PAFAH1B2: variants seen among roughly 807,000 people sequenced by gnomAD.
PAFAH1B2 encodes platelet activating factor acetylhydrolase 1b catalytic subunit 2.
A neutral mutation model predicts 28.0 loss-of-function variants in PAFAH1B2; 8 were observed. The observed-to-expected ratio is 0.29, with a 90% CI of 0.17 to 0.52. The LOEUF is 0.52. PAFAH1B2 is among the 20% of genes least tolerant of loss of function. PAFAH1B2 has a pLI of 0.97. For missense variants in PAFAH1B2, 190 were observed against 282.6 expected (o/e 0.67, Z 2.35); for synonymous variants, 104 against 103.2 (o/e 1.01, Z -0.05).
In PAFAH1B2 at chr11:117,168,174, T is replaced by C; in HGVS notation, c.*475T>C. ...TTTATGTTGCTTAGATTCTTATGTA[T>C]ACTGAATATTTTATTAACATGTAGC... On this transcript the variant is annotated 3_prime_UTR_variant, in exon 6 of 6. Coordinates refer to ENST00000527958, the MANE Select transcript of PAFAH1B2 (RefSeq NM_002572.4). The C allele has an allele frequency of 9.5e-7, 1 of 1,047,520 alleles. No individual in the cohort carries two copies. Among genetic ancestry groups the C allele is most frequent in the African/African-American group, 1.7e-5 (1 of 60,602 alleles). The allele number at this position is 1,047,520 out of a possible 1,614,324, so 64.9% of individuals were successfully genotyped here.
At chr11:117,155,722 C>T (rs1004885965) in intron 2 of PAFAH1B2, among the ~76,000 whole-genome samples, 4 of 151,888 alleles carry the variant, frequency 2.6e-5, no homozygotes, top group African/African-American at 9.7e-5. Context: ...ATCACACTTA[C>T]TAGATTCACA....
At chr11:117,167,389 C>T (rs377077568) in intron 5 of PAFAH1B2, 32 bp from the exon 6 acceptor site, 1 of 1,503,790 alleles carries the variant, frequency 6.6e-7, no homozygotes, top group Non-Finnish European at 8.9e-7. Context: ...ATAAGTGAAT[C>T]TTCTAATTTA....
chr11:117,152,003 A>G (rs1956161652), intron 1 of PAFAH1B2, among the ~76,000 whole-genome samples: 2 of 152,160 alleles, frequency 1.3e-5, no homozygotes, highest in Non-Finnish European at 2.9e-5. Context: ...GCCACTGTGC[A>G]GGGCCAGTAA....
chr11:117,170,132 A>G lies in PAFAH1B2; in HGVS notation c.*2433A>G. On this transcript the variant is annotated 3_prime_UTR_variant, in exon 6 of 6. Coordinates refer to ENST00000527958, the MANE Select transcript of PAFAH1B2 (RefSeq NM_002572.4). ...TCTTTGCACTACTTTAGGTAAAAAT[A>G]GTTAATCTATTTTTCTTTGACATCC... 3.8e-6 allele frequency: 4 copies of G among 1,054,906 alleles called. No homozygotes were observed. Among genetic ancestry groups the G allele is most frequent in the Non-Finnish European group, 4.6e-6 (4 of 872,782 alleles). The allele number at this position is 1,054,906 out of a possible 1,614,324, so 65.3% of individuals were successfully genotyped here. A position where few individuals can be genotyped will look rare whatever the true frequency, so the allele number is the denominator to read the frequency against.
In PAFAH1B2 at chr11:117,168,797, G is replaced by A; in HGVS notation, c.*1098G>A. 1.0e-6 allele frequency: 1 copy of A among 959,864 alleles called. No homozygotes were observed. Among genetic ancestry groups the A allele is most frequent in the Non-Finnish European group, 1.3e-6 (1 of 793,312 alleles). 59.5% of individuals were successfully genotyped at this position (959,864 alleles called of 1,614,324 possible). On this transcript the variant is annotated 3_prime_UTR_variant, in exon 6 of 6. Transcript: ENST00000527958. Reference sequence around the variant, plus strand: ...TTTTTTATTGGCTTAGTTGTTTTTTGTTTTGTTTTGTTTGAGATGGAGTTT... The same window carrying A: ...TTTTTTATTGGCTTAGTTGTTTTTTATTTTGTTTTGTTTGAGATGGAGTTT...
intron 5 of PAFAH1B2, among the ~76,000 whole-genome samples, chr11:117,164,911 C>G (rs1004915066): frequency 8.6e-5 from 13 of 151,204 alleles, no homozygotes; most frequent in African/African-American, 2.9e-4. Flanking sequence ...TGGCACGTGC[C>G]TGTAATCCCA....
Position 117,169,567 on chromosome 11 carries a change from GTC to G in PAFAH1B2, c.*1872_*1873del, listed in dbSNP as rs1223085674. ...CTTGGGCTCATTTTTTTCTTGTGAA[GTC>G]TCTTTCTAGAAAATTTTTTGGTTTT... On this transcript the variant is annotated 3_prime_UTR_variant, in exon 6 of 6. Coordinates refer to ENST00000527958, the MANE Select transcript of PAFAH1B2 (RefSeq NM_002572.4). The G allele has an allele frequency of 1.9e-6, 2 of 1,055,034 alleles. No individual in the cohort carries two copies. The highest frequency in any genetic ancestry group is 1.7e-5 in the African/African-American group (1 of 60,490). The allele number at this position is 1,055,034 out of a possible 1,614,324, so 65.4% of individuals were successfully genotyped here.
chr11:117,174,841 C>T, downstream of PAFAH1B2: 1 of 1,229,430 alleles, frequency 8.1e-7, no homozygotes, highest in Non-Finnish European at 1.1e-6. Flanking sequence ...TCTCAAACTC[C>T]TGACTTCAGA....
At position 117,160,010 on chromosome 11, in the gene PAFAH1B2, T is replaced by TG; in HGVS notation, c.159dup (p.Gln54AlafsTer4). 1 of 1,611,964 alleles carries TG rather than the reference T, an allele frequency of 6.2e-7. No homozygotes were observed. ...GTGGGAGACTCCATGGTGCAGTTAA[T>TG]GCAGCAATATGAGGTAAAGGTGGAA... On this transcript the variant is annotated frameshift_variant, in exon 3 of 6. Coordinates refer to ENST00000527958, the MANE Select transcript of PAFAH1B2 (RefSeq NM_002572.4). LOFTEE classifies it high-confidence loss of function.
At chr11:117,156,561 T>G (rs2134187627) in intron 2 of PAFAH1B2, among the ~76,000 whole-genome samples, 1 of 152,298 alleles carries the variant, frequency 6.6e-6, no homozygotes. Context: ...AGCATGGTCA[T>G]AGTTACTAGG....
chr11:117,153,836 A>G (rs1361881627), intron 2 of PAFAH1B2, among the ~76,000 whole-genome samples: 1 of 152,166 alleles, frequency 6.6e-6, no homozygotes, highest in African/African-American at 2.4e-5. Context: ...AGTTATTAAA[A>G]TCATGAGATG....
chr11:117,168,446 G>GTTTGT lies in PAFAH1B2; in HGVS notation c.*750_*751insGTTTT, dbSNP rs55659804. ...TCCCCTTCATTCCCCCCGCCACCCC[G>GTTTGT]TTTTTTTTTTTTTTTTTTTTTTTTT... On this transcript the variant is annotated 3_prime_UTR_variant, in exon 6 of 6. Coordinates refer to ENST00000527958, the MANE Select transcript of PAFAH1B2 (RefSeq NM_002572.4). 744 of 235,816 alleles carry GTTTGT rather than the reference G, an allele frequency of 3.2e-3. 9 individuals are homozygous for GTTTGT. Among genetic ancestry groups the GTTTGT allele is most frequent in the African/African-American group, 0.015 (173 of 11,340 alleles). 14.6% of individuals were successfully genotyped at this position (235,816 alleles called of 1,614,324 possible). A position where few individuals can be genotyped will look rare whatever the true frequency, so the allele number is the denominator to read the frequency against.
At chr11:117,175,753 A>G (rs2029943294), downstream of PAFAH1B2, 1 of 1,063,654 alleles carries the variant, frequency 9.4e-7, no homozygotes, top group Non-Finnish European at 1.3e-6. Flanking sequence ...AAACAGGCGT[A>G]GGGTCACATC....
chr11:117,170,911 T>C lies in PAFAH1B2; in HGVS notation c.*3212T>C, dbSNP rs1956637099. On this transcript the variant is annotated 3_prime_UTR_variant, in exon 6 of 6. Coordinates refer to ENST00000527958, the MANE Select transcript of PAFAH1B2 (RefSeq NM_002572.4). ...CCCCAGGTTTCTTGGTGTTCCTGCT[T>C]GGGGATCACTGCTGCTAGCTGACTG... 9.4e-7 allele frequency: 1 copy of C among 1,059,466 alleles called. No individual in the cohort carries two copies. The highest frequency in any genetic ancestry group is 1.6e-5 in the African/African-American group (1 of 60,748). 65.6% of individuals were successfully genotyped at this position (1,059,466 alleles called of 1,614,324 possible).
chr11:117,145,961 G>T (rs1442088565), intron 1 of PAFAH1B2, among the ~76,000 whole-genome samples: 3 of 152,136 alleles, frequency 2.0e-5, no homozygotes, highest in African/African-American at 7.2e-5. Context: ...ATATAGAAAA[G>T]GCAGGAAAAT....
At chr11:117,172,348 TTATATATATATATATATATA>T (rs1213181198), downstream of PAFAH1B2, among the ~76,000 whole-genome samples, 1 of 91,248 alleles carries the variant, frequency 1.1e-5, no homozygotes. Context: ...CATTCTAGCT[TTATATATATATATATATATA>T]TATATATATA....
At chr11:117,150,687 G>A (rs1033445927) in intron 1 of PAFAH1B2, among the ~76,000 whole-genome samples, 22 of 152,072 alleles carry the variant, frequency 1.4e-4, no homozygotes, top group Non-Finnish European at 1.2e-4. Context: ...AATATAACTC[G>A]ATCTTCTTTC....
chr11:117,151,807 C>T (rs937348894), intron 1 of PAFAH1B2, among the ~76,000 whole-genome samples: 9 of 151,868 alleles, frequency 5.9e-5, no homozygotes, highest in Non-Finnish European at 1.2e-4. Flanking sequence ...CCTGGGTTCA[C>T]GCCATTCTTC....
downstream of PAFAH1B2, chr11:117,174,902 A>G: frequency 6.5e-7 from 1 of 1,526,902 alleles, no homozygotes; most frequent in Non-Finnish European, 8.8e-7. Context: ...GGCGTGAGTC[A>G]CCGCACCAGG....
Sources: allele counts gnomAD v4.1 joint callset (sites outside exome capture counted in the v4.1 genomes callset), GRCh38; gene constraint gnomAD v4.1.1; transcripts MANE v1.5; gene names NCBI Gene and HGNC (gene_info 2026-07-23, HGNC 2026-07-21).